Variants in GPC6 observed in about 807,000 individuals in gnomAD.
GPC6 encodes the protein glypican 6, also known as glypican-6.
GPC6 carries 14 observed loss-of-function variants against 55.2 expected under a neutral mutation model. That is an observed-to-expected ratio of 0.25 (90% CI 0.17 to 0.40). The LOEUF (loss-of-function observed/expected upper bound fraction) is 0.40. GPC6 is among the 10% of genes least tolerant of loss of function. GPC6 has a pLI of 1.00. For synonymous variants in GPC6, 278 were observed against 259.6 expected, an observed-to-expected ratio of 1.07 and a Z score of -0.68; for missense variants, 641 against 708.5, an observed-to-expected ratio of 0.90 and a Z score of 1.08.
In GPC6 at chr13:93,227,267, T is replaced by A; in HGVS notation, c.-190T>A. On this transcript the variant is annotated 5_prime_UTR_variant, in exon 1 of 9. Coordinates refer to ENST00000377047, the MANE Select transcript of GPC6 (RefSeq NM_005708.5). This position sits in a 1 kb window ranked among gnomAD's most constrained non-coding sequence, Gnocchi z 4.3. ...GCCCTTGTTGGCTTGCCATCGTCCA[T>A]CTGGCTTATAAAAGTTTGCTGAGCG... The A allele has an allele frequency of 1.9e-6, 1 of 527,094 alleles. No individual in the cohort carries two copies. 32.7% of individuals were successfully genotyped at this position (527,094 alleles called of 1,614,324 possible). A position where few individuals can be genotyped will look rare whatever the true frequency, so the allele number is the denominator to read the frequency against.
chr13:93,731,472 G>A (rs1304363726), intron 2 of GPC6, among the ~76,000 whole-genome samples: 1 of 152,116 alleles, frequency 6.6e-6, no homozygotes, highest in Non-Finnish European at 1.5e-5. Flanking sequence ...TAGCTTGGTG[G>A]TTCTATCTCC....
intron 1 of GPC6, among the ~76,000 whole-genome samples, chr13:93,436,249 A>C (rs1877568336): frequency 1.3e-5 from 2 of 152,200 alleles, no homozygotes; most frequent in South Asian, 4.1e-4. Flanking sequence ...TGTAAATGAC[A>C]TTGAAATCAT....
At chr13:93,269,691 C>T (rs928087441) in intron 1 of GPC6, among the ~76,000 whole-genome samples, 1 of 149,192 alleles carries the variant, frequency 6.7e-6, no homozygotes, top group East Asian at 2.0e-4. Context: ...TTTGGGAGGC[C>T]AAGGTGGGCG....
chr13:93,853,349 A>G (rs923032433), intron 3 of GPC6, among the ~76,000 whole-genome samples: 6 of 151,694 alleles, frequency 4.0e-5, no homozygotes, highest in African/African-American at 1.4e-4. Flanking sequence ...TAAGGCAGAA[A>G]AATCAGTTTA....
chr13:93,553,964 G>A (rs1161135045), intron 2 of GPC6, among the ~76,000 whole-genome samples: 5 of 108,262 alleles, frequency 4.6e-5, no homozygotes, highest in African/African-American at 1.9e-4. Flanking sequence ...GTAAAACTCC[G>A]TCTCTACTAA....
chr13:93,958,981 A>G (rs1037030512), intron 3 of GPC6, among the ~76,000 whole-genome samples: 1 of 152,238 alleles, frequency 6.6e-6, no homozygotes, highest in Admixed American at 6.5e-5. Flanking sequence ...CAGCCTGGGC[A>G]TTATTGGTAT....
chr13:93,237,735 T>C (rs1326835020), intron 1 of GPC6, among the ~76,000 whole-genome samples: 2 of 152,100 alleles, frequency 1.3e-5, no homozygotes, highest in East Asian at 3.9e-4. Flanking sequence ...TCTTAAGTTA[T>C]TTTTTCATAT....
In GPC6 at chr13:94,405,131, G is replaced by C. The variant is rs886779779; in HGVS notation, c.*1914G>C. ...GCACAATAGTATTAAGTATATTTGA[G>C]CACTTTTGCAAGACAGAAAGTATTT... On this transcript the variant is annotated 3_prime_UTR_variant, in exon 9 of 9. Coordinates refer to ENST00000377047, the MANE Select transcript of GPC6 (RefSeq NM_005708.5). 2 of 152,168 alleles carry C rather than the reference G, an allele frequency of 1.3e-5. No homozygotes were observed. Among genetic ancestry groups the C allele is most frequent in the Non-Finnish European group, 2.9e-5 (2 of 68,028 alleles). 9.4% of individuals were successfully genotyped at this position (152,168 alleles called of 1,614,324 possible).
At chr13:93,876,656 C>T (rs1406078910) in intron 3 of GPC6, among the ~76,000 whole-genome samples, 2 of 152,050 alleles carry the variant, frequency 1.3e-5, no homozygotes, top group Non-Finnish European at 2.9e-5. Flanking sequence ...TAAAACACTT[C>T]TCTCACTTTA....
chr13:93,877,628 G>A (rs951210724), intron 3 of GPC6, among the ~76,000 whole-genome samples: 3 of 152,086 alleles, frequency 2.0e-5, no homozygotes, highest in African/African-American at 7.2e-5. Flanking sequence ...AATCCAACCC[G>A]TTAGTCTGTA....
chr13:94,003,716 TG>T (rs1300734810), intron 3 of GPC6, among the ~76,000 whole-genome samples: 1 of 152,170 alleles, frequency 6.6e-6, no homozygotes, highest in African/African-American at 2.4e-5. Flanking sequence ...TACTATTGAT[TG>T]TATAGGTCGA....
chr13:93,977,254 A>T (rs1430650994), intron 3 of GPC6, among the ~76,000 whole-genome samples: 1 of 152,178 alleles, frequency 6.6e-6, no homozygotes, highest in Non-Finnish European at 1.5e-5. Context: ...CATGACAGTA[A>T]ATAATCCAAG....
At chr13:93,507,281 A>G (rs1042430793) in intron 1 of GPC6, among the ~76,000 whole-genome samples, 1 of 152,122 alleles carries the variant, frequency 6.6e-6, no homozygotes, top group African/African-American at 2.4e-5. Context: ...AGACTGGACT[A>G]GAGCCCACCT....
chr13:94,279,737 T>G (rs1192592391), intron 4 of GPC6, among the ~76,000 whole-genome samples: 1 of 152,228 alleles, frequency 6.6e-6, no homozygotes, highest in East Asian at 1.9e-4. Flanking sequence ...TCCATTTCCA[T>G]GTAATTGTGT....
intron 4 of GPC6, among the ~76,000 whole-genome samples, chr13:94,285,292 C>T (rs1892497228): frequency 6.6e-6 from 1 of 152,078 alleles, no homozygotes; most frequent in African/African-American, 2.4e-5. Flanking sequence ...GCCAAGAAGG[C>T]ACCTGCTTAG....
At chr13:93,262,277 G>C (rs561115377) in intron 1 of GPC6, among the ~76,000 whole-genome samples, 66 of 151,884 alleles carry the variant, frequency 4.3e-4, no homozygotes, top group South Asian at 6.3e-4. Context: ...CCTCAGCAGA[G>C]GAAAGAAGGA....
chr13:94,272,682 A>G (rs1398714642), intron 4 of GPC6, among the ~76,000 whole-genome samples: 1 of 151,694 alleles, frequency 6.6e-6, no homozygotes, highest in Non-Finnish European at 1.5e-5. Flanking sequence ...GTTAGCCAGG[A>G]TGGTCTCAAT....
rs546109578 is a variant in GPC6 at position 93,638,257 on chromosome 13, C to G, written c.319+92836C>G. On this transcript the variant is annotated intron_variant, in intron 2 of 8. Transcript: ENST00000377047. ...TATGACATTTGGTGATATTAACTCC[C>G]TTGGGATTAGCATACTCTGCTGAGG... 6.6e-5 allele frequency among the ~76,000 whole-genome samples: 10 copies of G among 152,168 alleles called. 1 individual carries two copies. In the South Asian group the frequency reaches 1.2e-3, roughly 19 times the overall value.
At chr13:93,401,147 G>A (rs1385351423) in intron 1 of GPC6, among the ~76,000 whole-genome samples, 2 of 140,156 alleles carry the variant, frequency 1.4e-5, no homozygotes, top group Non-Finnish European at 3.1e-5. Flanking sequence ...AAGGGCAGAG[G>A]TATTTGTCGT....
Sources: allele counts gnomAD v4.1 joint callset (sites outside exome capture counted in the v4.1 genomes callset), GRCh38; gene constraint gnomAD v4.1.1; non-coding constraint Gnocchi (gnomAD v3.1); transcripts MANE v1.5; gene names NCBI Gene and HGNC (gene_info 2026-07-23, HGNC 2026-07-21).